DNM3: variants seen among roughly 807,000 people sequenced by gnomAD.
DNM3 encodes dynamin-3.
DNM3 carries 47 observed loss-of-function variants against 101.6 expected under a neutral mutation model. The ratio of observed to expected loss-of-function variants is 0.46; its 90% confidence interval spans 0.37 to 0.59. The LOEUF is 0.59. DNM3 is among the 20% of genes least tolerant of loss of function. The probability of loss-of-function intolerance (pLI) is 0.00; values close to 1 mark genes in which losing one functional copy is unlikely to be tolerated. For missense variants in DNM3, 849 were observed against 1,085.7 expected (o/e 0.78, Z 3.06); for synonymous variants, 385 against 387.9 (o/e 0.99, Z 0.09).
chr1:172,095,836 G>T (rs1227014554), intron 13 of DNM3, among the ~76,000 whole-genome samples: 3 of 152,192 alleles, frequency 2.0e-5, no homozygotes, highest in African/African-American at 4.8e-5. Flanking sequence ...AGTTTCACAA[G>T]TTGATGTCAG....
intron 14 of DNM3, among the ~76,000 whole-genome samples, chr1:172,235,434 T>C (rs2061501897): frequency 6.6e-6 from 1 of 152,182 alleles, no homozygotes; most frequent in Non-Finnish European, 1.5e-5. Flanking sequence ...TGGAAGTCAG[T>C]GTGGCGATTC....
chr1:172,256,811 A>G (rs2148698115), intron 15 of DNM3, among the ~76,000 whole-genome samples: 1 of 151,464 alleles, frequency 6.6e-6, no homozygotes, highest in East Asian at 1.9e-4. Flanking sequence ...ATAAATCTAT[A>G]GATTTCTCGC....
At chr1:172,218,485 T>C (rs1388344568) in intron 14 of DNM3, among the ~76,000 whole-genome samples, 1 of 152,108 alleles carries the variant, frequency 6.6e-6, no homozygotes, top group Non-Finnish European at 1.5e-5. Context: ...TGGCAAGTTT[T>C]TTGTTGGCAT....
chr1:171,939,713 G>A (rs1416063278), intron 2 of DNM3, among the ~76,000 whole-genome samples: 1 of 152,184 alleles, frequency 6.6e-6, no homozygotes, highest in African/African-American at 2.4e-5. Context: ...CTGAGAGGAA[G>A]AAGTATAATT....
intron 12 of DNM3, among the ~76,000 whole-genome samples, chr1:172,083,968 A>G (rs2053344330): frequency 6.6e-6 from 1 of 152,136 alleles, no homozygotes; most frequent in East Asian, 1.9e-4. Context: ...TTGGGGAGAA[A>G]AAAAGAAGCA....
intron 20 of DNM3, chr1:172,393,420 G>A (rs1001013091): frequency 1.3e-5 from 2 of 152,586 alleles, no homozygotes; most frequent in African/African-American, 4.8e-5. Context: ...CGATTCTTAT[G>A]AGTGTGTCTT....
intron 15 of DNM3, among the ~76,000 whole-genome samples, chr1:172,276,873 T>C (rs900804571): frequency 1.6e-4 from 25 of 152,152 alleles, no homozygotes; most frequent in African/African-American, 5.5e-4. Flanking sequence ...TTTGGAAAGT[T>C]AAGTATTTGT....
chr1:172,092,156 GT>G (rs760516485), intron 12 of DNM3, among the ~76,000 whole-genome samples: 12 of 152,158 alleles, frequency 7.9e-5, no homozygotes, highest in Non-Finnish European at 1.5e-4. Context: ...AAATACCCAA[GT>G]GATGAGGTTA....
chr1:172,102,780 C>A (rs1418420799), intron 13 of DNM3, among the ~76,000 whole-genome samples: 4 of 152,090 alleles, frequency 2.6e-5, no homozygotes, highest in Admixed American at 2.6e-4. Flanking sequence ...CTTTTCCTCC[C>A]TCTGTCTCTT....
intron 8 of DNM3, among the ~76,000 whole-genome samples, chr1:172,042,371 C>T (rs61805857): frequency 0.014 from 2,189 of 152,186 alleles, 32 homozygotes; most frequent in Non-Finnish European, 0.024. Context: ...AATTGAGTTT[C>T]CTAGTTTGTT....
At chr1:171,979,015 A>T (rs2044586921) in intron 2 of DNM3, among the ~76,000 whole-genome samples, 1 of 152,114 alleles carries the variant, frequency 6.6e-6, no homozygotes, top group Non-Finnish European at 1.5e-5. Context: ...ACTTAGAGAG[A>T]GAGGATAGAG....
chr1:172,255,132 T>C (rs1199161437), intron 15 of DNM3, among the ~76,000 whole-genome samples: 1 of 152,084 alleles, frequency 6.6e-6, no homozygotes. Flanking sequence ...AAGCAAGCCA[T>C]TTAAAGAATC....
chr1:171,967,711 T>C (rs10465518), intron 2 of DNM3, among the ~76,000 whole-genome samples: 2,837 of 152,258 alleles, frequency 0.019, 84 homozygotes, highest in African/African-American at 0.063. Flanking sequence ...CTGAGTGCAA[T>C]TCCAAGAAAT....
chr1:172,045,147 C>T (rs907013973), intron 9 of DNM3, among the ~76,000 whole-genome samples: 1 of 149,756 alleles, frequency 6.7e-6, no homozygotes, highest in Non-Finnish European at 1.5e-5. Flanking sequence ...GTCAGGAGAG[C>T]AGAGGGACCT....
intron 4 of DNM3, among the ~76,000 whole-genome samples, chr1:172,003,200 T>C (rs2046460153): frequency 6.6e-6 from 1 of 152,020 alleles, no homozygotes; most frequent in African/African-American, 2.4e-5. Context: ...TTAATAATGA[T>C]GACTTTAGTG....
intron 1 of DNM3, among the ~76,000 whole-genome samples, chr1:171,871,861 CTTG>C (rs1432662842): frequency 2.6e-5 from 2 of 77,854 alleles, no homozygotes; most frequent in South Asian, 3.6e-4. Flanking sequence ...TAGTTGTTGT[CTTG>C]TTTTTTTTTT....
intron 20 of DNM3, among the ~76,000 whole-genome samples, chr1:172,398,213 T>C (rs2070173375): frequency 2.0e-5 from 3 of 152,338 alleles, no homozygotes; most frequent in Middle Eastern, 3.4e-3. Context: ...TCCTCTTTAC[T>C]GCATTGTCAT....
At chr1:172,298,685 C>T (rs2064279904) in intron 15 of DNM3, among the ~76,000 whole-genome samples, 1 of 152,074 alleles carries the variant, frequency 6.6e-6, no homozygotes, top group Non-Finnish European at 1.5e-5. Flanking sequence ...ACTCCTAAGC[C>T]ATCATCTTCC....
At chr1:172,332,140 C>A (rs2066215106) in intron 17 of DNM3, among the ~76,000 whole-genome samples, 1 of 152,066 alleles carries the variant, frequency 6.6e-6, no homozygotes, top group East Asian at 1.9e-4. Context: ...TTTAACCATG[C>A]TAAAGTTTGA....
Sources: allele counts gnomAD v4.1 joint callset (sites outside exome capture counted in the v4.1 genomes callset), GRCh38; gene constraint gnomAD v4.1.1; transcripts MANE v1.5; gene names NCBI Gene and HGNC (gene_info 2026-07-23, HGNC 2026-07-21).